The following SACS variants were observed in gnomAD, a reference collection of about 807,000 sequenced individuals.
The protein encoded by SACS is sacsin molecular chaperone, also known as sacsin.
Under a neutral mutation model 348.0 loss-of-function variants are expected in SACS, and 197 were observed. The observed-to-expected ratio is 0.57, with a 90% CI of 0.50 to 0.64. The LOEUF (loss-of-function observed/expected upper bound fraction) is 0.64, where lower values mean the gene tolerates loss of function less well. Among genes scored for constraint, SACS ranks in the 30% least tolerant of loss-of-function variants. The pLI is 0.00. For missense variants in SACS, 4,999 were observed against 5,360.8 expected, an observed-to-expected ratio of 0.93 and a Z score of 2.11; for synonymous variants, 1,985 against 1,910.6, an observed-to-expected ratio of 1.04 and a Z score of -1.02.
chr13:23,394,658 G>C lies in SACS; in HGVS notation c.20+16562C>G, dbSNP rs117270305. 7.3e-3 allele frequency among the ~76,000 whole-genome samples: 1,109 copies of C among 151,886 alleles called. 10 individuals are homozygous for C. Among genetic ancestry groups the C allele is most frequent in the Non-Finnish European group, 0.011 (779 of 67,952 alleles). ...CACCTGAGGTCAGGAGTTTGAGACT[G>C]GTTTGGCCAACATGGTGAAACCCCA... On this transcript the variant is annotated intron_variant, in intron 2 of 9. Transcript: ENST00000382292.
intron 2 of SACS, among the ~76,000 whole-genome samples, chr13:23,389,919 T>C (rs762187742): frequency 6.6e-6 from 1 of 152,242 alleles, no homozygotes; most frequent in Non-Finnish European, 1.5e-5. Flanking sequence ...TGCATCTACA[T>C]ATGCCAGAAG....
chr13:23,427,907 A>G (rs55726556), intron 1 of SACS: 1,744 of 152,332 alleles, frequency 0.011, 19 homozygotes, highest in Admixed American at 0.015. Context: ...CGAATACTCT[A>G]TCTCCTCTGA....
intron 5 of SACS, among the ~76,000 whole-genome samples, chr13:23,367,680 T>G (rs573016918): frequency 3.9e-5 from 6 of 152,160 alleles, no homozygotes; most frequent in African/African-American, 1.4e-4. Context: ...CTGCAATCTC[T>G]GCCTCCGGGT....
chr13:23,401,584 C>G (rs1401240297), intron 2 of SACS, among the ~76,000 whole-genome samples: 1 of 152,246 alleles, frequency 6.6e-6, no homozygotes, highest in Middle Eastern at 3.2e-3. Context: ...GCAAAATAAA[C>G]TTTCTAAATT....
chr13:23,356,949 G>A (rs1372097097), intron 7 of SACS, among the ~76,000 whole-genome samples: 1 of 152,214 alleles, frequency 6.6e-6, no homozygotes, highest in African/African-American at 2.4e-5. Flanking sequence ...GGACAGTGGG[G>A]TCTAGGGAAT....
chr13:23,339,448 A>C lies in SACS; in HGVS notation c.4428T>G (p.Asp1476Glu). 1.2e-6 allele frequency: 2 copies of C among 1,604,760 alleles called. No individual in the cohort carries two copies. The highest frequency in any genetic ancestry group is 1.7e-6 in the Non-Finnish European group (2 of 1,175,858). Residue 1476 changes from aspartate to glutamate, a missense_variant, in exon 10 of 10, where the codon GAT becomes GAG. This residue lies in a region of SACS where 3,156 missense variants were observed against 3,380.1 expected (regional missense o/e 0.93). Transcript: ENST00000382292. ...NILEEYPSVSDIFKELLQNAD... is the reference protein window; with the variant it reads ...NILEEYPSVSEIFKELLQNAD... Reference sequence around the variant, plus strand: ...CGTTTTGAAGTAGTTCTTTAAAAATATCTGACACTGAAGGGTATTCTTCCA... The same window carrying C: ...CGTTTTGAAGTAGTTCTTTAAAAATCTCTGACACTGAAGGGTATTCTTCCA...
At position 23,337,235 on chromosome 13, in the gene SACS, C is replaced by T. The variant is rs765977497; in HGVS notation, c.6641G>A (p.Arg2214His). 1.3e-5 allele frequency: 21 copies of T among 1,613,746 alleles called. No individual in the cohort carries two copies. The highest frequency in any genetic ancestry group is 8.9e-5 in the East Asian group (4 of 44,878). Residue 2214 changes from arginine to histidine, a missense_variant, in exon 10 of 10, where the codon CGC (arginine) becomes CAC (histidine). By Grantham distance (29) the Arg-to-His change is conservative (BLOSUM62 0). Coordinates refer to ENST00000382292, the MANE Select transcript of SACS (RefSeq NM_014363.6). Reference protein sequence around the residue: ...KDFAAKYQTIRFLPFLTKPAG... With the variant: ...KDFAAKYQTIHFLPFLTKPAG... ...TGGTTTTGTCAGAAATGGAAGGAAG[C>T]GGATTGTTTGATATTTTGCAGCAAA... is the stretch of plus-strand genomic sequence containing the variant.
In SACS at chr13:23,355,079, A is replaced by C. The variant is rs778011175; in HGVS notation, c.1533T>G (p.Asp511Glu). 1.9e-6 allele frequency: 3 copies of C among 1,614,192 alleles called. No individual in the cohort carries two copies. Among genetic ancestry groups the C allele is most frequent in the South Asian group, 2.2e-5 (2 of 91,088 alleles). ...TTTCCATCTCCAGACGTTTTATTGA[A>C]TCTAAGATCAGAGTAGCATAAGCTT... ...VPKAYATLILDSIKRLEMEKS... is the reference protein window; with the variant it reads ...VPKAYATLILESIKRLEMEKS... Residue 511 changes from aspartate to glutamate, a missense_variant, in exon 8 of 10, where the codon GAT (aspartate) becomes GAG (glutamate). Physicochemically the swap from Asp to Glu is conservative, Grantham distance 45. This residue lies in a region of SACS where 3,156 missense variants were observed against 3,380.1 expected (regional missense o/e 0.93). Coordinates refer to ENST00000382292, the MANE Select transcript of SACS (RefSeq NM_014363.6).
At position 23,338,850 on chromosome 13, in the gene SACS, A is replaced by C; in HGVS notation, c.5026T>G (p.Phe1676Val). The C allele has an allele frequency of 6.2e-7, 1 of 1,613,122 alleles. No individual in the cohort carries two copies. Among genetic ancestry groups the C allele is most frequent in the African/African-American group, 1.3e-5 (1 of 75,046 alleles). Residue 1676 changes from phenylalanine to valine, a missense_variant, in exon 10 of 10, where the codon TTT becomes GTT. Transcript: ENST00000382292. ...ATAAGCCTGTGTCCACAGAGACTAA[A>C]TTCATCCACAAGAGAATAAATATCT... ...TADIYSLVDEFSLCGHRLIIF... is the reference protein window; with the variant it reads ...TADIYSLVDEVSLCGHRLIIF...
At chr13:23,430,157 G>A (rs543577970) in intron 1 of SACS, among the ~76,000 whole-genome samples, 4 of 152,052 alleles carry the variant, frequency 2.6e-5, no homozygotes, top group African/African-American at 7.2e-5. Context: ...GCAGTGAGCC[G>A]AGATTGCACC....
At chr13:23,430,880 ACGTGTCAC>A (rs1400937048) in intron 1 of SACS, among the ~76,000 whole-genome samples, 1 of 152,136 alleles carries the variant, frequency 6.6e-6, no homozygotes, top group African/African-American at 2.4e-5. Context: ...CCCAGAACCA[ACGTGTCAC>A]CTTGGGTTTC....
At chr13:23,409,122 G>C (rs112519085) in intron 2 of SACS, among the ~76,000 whole-genome samples, 4 of 116,530 alleles carry the variant, frequency 3.4e-5, no homozygotes, top group Non-Finnish European at 6.6e-5. Flanking sequence ...GTGCGATTTC[G>C]GCTCACTGAT....
chr13:23,334,343 T>C lies in SACS; in HGVS notation c.9533A>G (p.His3178Arg), dbSNP rs1883690839. ...GTCTTTGCGGGATGGAATCAATTCA[T>C]GATATGTTGTTAGAAACTTGGGTCG... ...AKRPKFLTTY[H>R]ELIPSRKDLF... is the part of the protein sequence containing the mutation. The change falls in exon 10 of 10, where the codon CAT becomes CGT. Residue 3178 changes from histidine to arginine, a missense_variant. By Grantham distance (29) the His-to-Arg change is conservative. Coordinates refer to ENST00000382292, the MANE Select transcript of SACS (RefSeq NM_014363.6). The C allele has an allele frequency of 3.1e-6, 5 of 1,612,166 alleles. No individual in the cohort carries two copies. Among genetic ancestry groups the C allele is most frequent in the South Asian group, 2.2e-5 (2 of 90,790 alleles).
chr13:23,342,281 A>T (rs570204999), intron 9 of SACS, among the ~76,000 whole-genome samples: 1 of 152,230 alleles, frequency 6.6e-6, no homozygotes, highest in South Asian at 2.1e-4. Flanking sequence ...TATGTTTTTT[A>T]AAGTATCCTA....
chr13:23,415,111 A>G (rs528691087), intron 1 of SACS, among the ~76,000 whole-genome samples: 1 of 152,124 alleles, frequency 6.6e-6, no homozygotes, highest in East Asian at 1.9e-4. Flanking sequence ...GGCTCACTGC[A>G]ACTTCCGCCT....
intron 7 of SACS, among the ~76,000 whole-genome samples, chr13:23,357,390 G>T (rs1242031456): frequency 6.6e-6 from 1 of 152,056 alleles, no homozygotes; most frequent in Non-Finnish European, 1.5e-5. Context: ...TTATTTAATA[G>T]AATATATATG....
intron 2 of SACS, among the ~76,000 whole-genome samples, chr13:23,384,687 C>T (rs1320298026): frequency 6.6e-6 from 1 of 152,036 alleles, no homozygotes; most frequent in East Asian, 1.9e-4. Flanking sequence ...AAACAGGGCC[C>T]AAGGGGAGTT....
intron 2 of SACS, among the ~76,000 whole-genome samples, chr13:23,404,710 G>A (rs1873128123): frequency 6.6e-6 from 1 of 152,172 alleles, no homozygotes; most frequent in African/African-American, 2.4e-5. Flanking sequence ...AAGCTGAGAA[G>A]CAACTTCAGC....
At position 23,329,661 on chromosome 13, in the gene SACS, T is replaced by A; in HGVS notation, c.*475A>T. Reference sequence around the variant, plus strand: ...CAACAAATTCATGATCAGAGCCAGCTGATGAGAAAATAACGCATCCAAGAG... The same window carrying A: ...CAACAAATTCATGATCAGAGCCAGCAGATGAGAAAATAACGCATCCAAGAG... On this transcript the variant is annotated 3_prime_UTR_variant, in exon 10 of 10. Coordinates refer to ENST00000382292, the MANE Select transcript of SACS (RefSeq NM_014363.6). The A allele has an allele frequency of 1.1e-5, 6 of 528,970 alleles. 1 individual carries two copies. The South Asian group carries it at 1.8e-4, about 16-fold the overall frequency. The allele number at this position is 528,970 out of a possible 1,614,324, so 32.8% of individuals were successfully genotyped here. A position where few individuals can be genotyped will look rare whatever the true frequency, so the allele number is the denominator to read the frequency against.
Sources: gnomAD v4.1 joint callset for allele counts (sites outside exome capture counted in the v4.1 genomes callset) on GRCh38, gnomAD v4.1.1 for gene constraint, gnomAD v4.1.1 regional missense constraint, MANE v1.5 for transcripts, NCBI Gene and HGNC (gene_info 2026-07-23, HGNC 2026-07-21) for gene names.